SLC6A16: variants seen among roughly 807,000 people sequenced by gnomAD.
The protein encoded by SLC6A16 is orphan sodium- and chloride-dependent neurotransmitter transporter NTT5.
Under a neutral mutation model 65.4 loss-of-function variants are expected in SLC6A16, and 54 were observed. That is an observed-to-expected ratio of 0.83 (90% CI 0.66 to 1.04). The LOEUF (loss-of-function observed/expected upper bound fraction) is 1.04, where lower values mean the gene tolerates loss of function less well. SLC6A16 is among the 50% of genes least tolerant of loss of function. The pLI, the probability that SLC6A16 is intolerant of heterozygous loss-of-function variation, is 0.00. For missense variants in SLC6A16, 816 were observed against 914.0 expected (o/e 0.89, Z 1.38); for synonymous variants, 330 against 346.5 (o/e 0.95, Z 0.53).
intron 7 of SLC6A16, among the ~76,000 whole-genome samples, chr19:49,300,055 T>C (rs1970261254): frequency 7.3e-6 from 1 of 137,110 alleles, no homozygotes; most frequent in South Asian, 2.4e-4. Context: ...TAGAAGGAAA[T>C]CCCTCATGGA....
the SLC6A16 span, chr19:49,337,685 C>A: frequency 3.9e-6 from 6 of 1,527,068 alleles, no homozygotes; most frequent in African/African-American, 6.9e-5. Context: ...GGGAAACACA[C>A]GGGAAAAAGA....
chr19:49,337,926 T>C, the SLC6A16 span: 1 of 1,614,014 alleles, frequency 6.2e-7, no homozygotes, highest in Non-Finnish European at 8.5e-7. Flanking sequence ...GCCTCTCAGC[T>C]GGAGCGAAGC....
chr19:49,330,973 G>A, the SLC6A16 span, among the ~76,000 whole-genome samples: 12 of 150,004 alleles, frequency 8.0e-5, no homozygotes, highest in African/African-American at 2.4e-4. Context: ...TGCCAGGCCC[G>A]CCCCCAGAGT....
Position 49,293,256 on chromosome 19 carries a change from G to T in SLC6A16, c.1745C>A (p.Thr582Asn). The T allele has an allele frequency of 1.2e-6, 2 of 1,614,116 alleles. No homozygotes were observed. Among genetic ancestry groups the T allele is most frequent in the Non-Finnish European group, 1.7e-6 (2 of 1,180,020 alleles). ...FPIIVVVVFE[T>N]MAVSWAYGAR... ...CCCATAGGCCCAGGATACAGCCATG[G>T]TTTCAAATACGACAACGACGATGAT... Residue 582 changes from threonine to asparagine, a missense_variant, in exon 10 of 12, where the codon ACC (threonine) becomes AAC (asparagine). Transcript: ENST00000335875.
In SLC6A16 at chr19:49,290,356, G is replaced by C; in HGVS notation, c.1978C>G (p.Leu660Val). The change falls in exon 12 of 12, where the codon CTG becomes GTG. Residue 660 changes from leucine (L) to valine (V), a missense_variant. Leu to Val is a conservative substitution (Grantham distance 32). Transcript: ENST00000335875. ...GCAAAAAGGGTGATCATCAAGAGCA[G>C]TGCCCACGGTGGGTATGGTCGAAGC... The part of the protein sequence containing the change: ...EVLRPYPPWA[L>V]LLMITLFAIV... 1 of 1,613,978 alleles carries C rather than the reference G, an allele frequency of 6.2e-7. No individual in the cohort carries two copies. The highest frequency in any genetic ancestry group is 1.1e-5 in the South Asian group (1 of 91,066).
chr19:49,331,772 C>T, the SLC6A16 span: 1 of 457,316 alleles, frequency 2.2e-6, no homozygotes. Context: ...TGGCCCAAGA[C>T]CAGTCACATG....
intron 11 of SLC6A16, 77 bp downstream of exon 11, chr19:49,290,527 TG>T: frequency 6.3e-7 from 1 of 1,575,400 alleles, no homozygotes; most frequent in Non-Finnish European, 8.7e-7. Flanking sequence ...ATGAGATGAC[TG>T]GGTTCTTTCA....
intron 7 of SLC6A16, among the ~76,000 whole-genome samples, chr19:49,303,049 G>A (rs1212616365): frequency 6.6e-6 from 1 of 152,104 alleles, no homozygotes; most frequent in African/African-American, 2.4e-5. Flanking sequence ...AAAGGACAAA[G>A]TTTATCTTTA....
chr19:49,339,327 C>T, the SLC6A16 span: 8 of 1,613,704 alleles, frequency 5.0e-6, no homozygotes, highest in Non-Finnish European at 5.9e-6. The surrounding 1 kb of genome is among the most constrained non-coding windows in gnomAD (Gnocchi z 4.5). Flanking sequence ...CTACACCCCC[C>T]AGGGCTGCGC....
the SLC6A16 span, among the ~76,000 whole-genome samples, chr19:49,339,123 G>C: frequency 1.3e-5 from 2 of 152,118 alleles, no homozygotes; most frequent in Non-Finnish European, 2.9e-5. The surrounding 1 kb of genome is among the most constrained non-coding windows in gnomAD (Gnocchi z 4.5). Context: ...GAAAAGGCTG[G>C]GCTGGCTCTG....
rs1970777440 is a variant in SLC6A16 at position 49,325,072 on chromosome 19, T to G, written c.-89A>C. The G allele has an allele frequency of 2.0e-6, 2 of 985,528 alleles. No homozygotes were observed. Among genetic ancestry groups the G allele is most frequent in the Non-Finnish European group, 2.4e-6 (2 of 830,050 alleles). The allele number at this position is 985,528 out of a possible 1,614,324, so 61.0% of individuals were successfully genotyped here. On this transcript the variant is annotated 5_prime_UTR_variant, in exon 1 of 12. Transcript: ENST00000335875. ...CCCTAGCCCCAAGGCTTCTGCCAGG[T>G]TCTTCAGTCCAGCCAGTCGGACAAA...
intron 1 of SLC6A16, 86 bp downstream of exon 1, chr19:49,324,962 G>C (rs1970775207): frequency 1.2e-6 from 1 of 858,268 alleles, no homozygotes; most frequent in African/African-American, 1.8e-5. Flanking sequence ...GTGGAGCCCA[G>C]TGGGCCCGGG....
upstream of SLC6A16, among the ~76,000 whole-genome samples, chr19:49,328,002 C>CT (rs1190720808): frequency 1.3e-5 from 2 of 151,938 alleles, no homozygotes; most frequent in Admixed American, 6.6e-5. Context: ...GAATTTTTTT[C>CT]TTTTTTTTCT....
At chr19:49,310,536 CTG>C (rs770649423) in intron 2 of SLC6A16, 26 bp from the exon 3 acceptor site, 14 of 1,613,612 alleles carry the variant, frequency 8.7e-6, no homozygotes, top group African/African-American at 2.7e-5. Flanking sequence ...AGAAGGGACT[CTG>C]AGAACCATGT....
Position 49,311,367 on chromosome 19 carries a change from G to A in SLC6A16, c.-20C>T, listed in dbSNP as rs1306917081. Reference sequence around the variant, plus strand: ...CTTCATCTCACACAGACTCTCTGGGGCAGCTCCCGCTTCTGCAAGGGAGGG... The same window carrying A: ...CTTCATCTCACACAGACTCTCTGGGACAGCTCCCGCTTCTGCAAGGGAGGG... On this transcript the variant is annotated 5_prime_UTR_variant, in exon 2 of 12. Transcript: ENST00000335875. 1 of 1,538,290 alleles carries A rather than the reference G, an allele frequency of 6.5e-7. No homozygotes were observed. The highest frequency in any genetic ancestry group is 2.1e-5 in the Admixed American group (1 of 48,424).
chr19:49,339,737 G>A, the SLC6A16 span: 1 of 1,398,192 alleles, frequency 7.2e-7, no homozygotes, highest in Admixed American at 3.1e-5. This position sits in a 1 kb window ranked among gnomAD's most constrained non-coding sequence, Gnocchi z 4.5. Flanking sequence ...CCGGGCGCTG[G>A]GGATTCGAGC....
At chr19:49,311,832 G>C (rs2146139657) in intron 1 of SLC6A16, among the ~76,000 whole-genome samples, 1 of 146,372 alleles carries the variant, frequency 6.8e-6, no homozygotes, top group Admixed American at 6.8e-5. Flanking sequence ...TTGGGAGACA[G>C]AGTAAGGCTC....
At chr19:49,321,934 A>G (rs1026310372) in intron 1 of SLC6A16, among the ~76,000 whole-genome samples, 1 of 152,138 alleles carries the variant, frequency 6.6e-6, no homozygotes, top group African/African-American at 2.4e-5. Flanking sequence ...CAAAAAAAAA[A>G]AAAGGAAAAT....
intron 1 of SLC6A16, among the ~76,000 whole-genome samples, chr19:49,312,296 G>A (rs1970538106): frequency 6.6e-6 from 1 of 152,146 alleles, no homozygotes; most frequent in Non-Finnish European, 1.5e-5. Context: ...ACCTTTCTGA[G>A]CTTTCTAATC....
Sources: allele counts gnomAD v4.1 joint callset (sites outside exome capture counted in the v4.1 genomes callset), GRCh38; gene constraint gnomAD v4.1.1; non-coding constraint Gnocchi (gnomAD v3.1); transcripts MANE v1.5; gene names NCBI Gene and HGNC (gene_info 2026-07-23, HGNC 2026-07-21).